CORO2B: variants seen among roughly 807,000 people sequenced by gnomAD.
The protein encoded by CORO2B is coronin 2B.
A neutral mutation model predicts 58.8 loss-of-function variants in CORO2B; 26 were observed. That is an observed-to-expected ratio of 0.44 (90% CI 0.32 to 0.61). The LOEUF is 0.61. Ranked by LOEUF, CORO2B falls within the 20% of genes least tolerant of loss-of-function variation. The probability of loss-of-function intolerance (pLI) is 0.04; values close to 1 mark genes in which losing one functional copy is unlikely to be tolerated. For missense variants in CORO2B, 460 were observed against 645.1 expected (o/e 0.71, Z 3.11); for synonymous variants, 242 against 253.8 (o/e 0.95, Z 0.44).
intron 1 of CORO2B, among the ~76,000 whole-genome samples, chr15:68,594,351 A>G (rs549640775): frequency 6.6e-6 from 1 of 152,324 alleles, no homozygotes; most frequent in African/African-American, 2.4e-5. Context: ...ATTTCTAGGA[A>G]CAGCAAGCTG....
intron 3 of CORO2B, among the ~76,000 whole-genome samples, chr15:68,703,461 A>G (rs1892708707): frequency 6.6e-6 from 1 of 152,072 alleles, no homozygotes; most frequent in Non-Finnish European, 1.5e-5. Context: ...CAGAAACCAT[A>G]TCTTATACTG....
intron 2 of CORO2B, among the ~76,000 whole-genome samples, chr15:68,650,223 C>T (rs1030591316): frequency 6.6e-6 from 1 of 151,874 alleles, no homozygotes; most frequent in East Asian, 1.9e-4. Context: ...ACAAAATTAG[C>T]GGGGCATGAT....
chr15:68,643,816 T>A (rs1015401910), intron 1 of CORO2B, among the ~76,000 whole-genome samples: 1 of 152,106 alleles, frequency 6.6e-6, no homozygotes, highest in Non-Finnish European at 1.5e-5. Flanking sequence ...GTCAGATGGA[T>A]CACCTGAGGT....
chr15:68,714,120 G>A (rs1892979623), intron 6 of CORO2B, 79 bp downstream of exon 6: 1 of 924,892 alleles, frequency 1.1e-6, no homozygotes, highest in African/African-American at 1.6e-5. Flanking sequence ...AGAAAGTCAG[G>A]AGCCTGGGCC....
chr15:68,579,076 G>C lies in CORO2B; in HGVS notation c.-187G>C. ...GGCTGACATCAGCGACGAGCGGCGG[G>C]CGAGCGCCGACGAGCGGTCCCTGCG... On this transcript the variant is annotated 5_prime_UTR_variant, in exon 1 of 12. Transcript: ENST00000261861. 5.1e-6 allele frequency: 5 copies of C among 983,764 alleles called. No homozygotes were observed. Among genetic ancestry groups the C allele is most frequent in the Non-Finnish European group, 6.0e-6 (5 of 829,318 alleles). 60.9% of individuals were successfully genotyped at this position (983,764 alleles called of 1,614,324 possible). A position where few individuals can be genotyped will look rare whatever the true frequency, so the allele number is the denominator to read the frequency against.
At chr15:68,614,306 T>C (rs542013135) in intron 1 of CORO2B, among the ~76,000 whole-genome samples, 60 of 152,344 alleles carry the variant, frequency 3.9e-4, no homozygotes, top group African/African-American at 1.4e-3. Context: ...TCTATTTAAA[T>C]ATATTGCAAA....
the CORO2B span, among the ~76,000 whole-genome samples, chr15:68,556,113 G>A: frequency 6.6e-6 from 1 of 152,224 alleles, no homozygotes; most frequent in South Asian, 2.1e-4. Flanking sequence ...CGGGGAGCGG[G>A]CCAGGCAAAG....
chr15:68,580,266 C>T (rs945913583), intron 1 of CORO2B, among the ~76,000 whole-genome samples: 6 of 152,238 alleles, frequency 3.9e-5, no homozygotes, highest in African/African-American at 1.4e-4. Flanking sequence ...TGGCCTCGGG[C>T]TTGGCCGTCC....
chr15:68,678,675 A>G (rs935348944), intron 2 of CORO2B, among the ~76,000 whole-genome samples: 1 of 152,198 alleles, frequency 6.6e-6, no homozygotes, highest in African/African-American at 2.4e-5. Context: ...CTCCACTTCA[A>G]AAAAGAAAAA....
At chr15:68,641,754 C>T (rs561547332) in intron 1 of CORO2B, among the ~76,000 whole-genome samples, 5 of 152,144 alleles carry the variant, frequency 3.3e-5, no homozygotes, top group South Asian at 4.1e-4. Context: ...AGACAGAGTT[C>T]GGCACTGTCG....
chr15:68,541,379 G>A, the CORO2B span, among the ~76,000 whole-genome samples: 1 of 152,178 alleles, frequency 6.6e-6, no homozygotes, highest in Non-Finnish European at 1.5e-5. Flanking sequence ...ACTAGCATCA[G>A]AAGGATATAG....
chr15:68,658,579 GA>G (rs1901906776), intron 2 of CORO2B, among the ~76,000 whole-genome samples: 1 of 152,222 alleles, frequency 6.6e-6, no homozygotes, highest in South Asian at 2.1e-4. Flanking sequence ...TAGAATTCTG[GA>G]AAGGAAGTGA....
At chr15:68,664,131 G>C (rs1271057881) in intron 2 of CORO2B, among the ~76,000 whole-genome samples, 1 of 152,168 alleles carries the variant, frequency 6.6e-6, no homozygotes, top group African/African-American at 2.4e-5. Context: ...GATCATGGTG[G>C]TGGGTTTATG....
chr15:68,582,142 G>A (rs1307393247), intron 1 of CORO2B, among the ~76,000 whole-genome samples: 1 of 152,184 alleles, frequency 6.6e-6, no homozygotes, highest in African/African-American at 2.4e-5. Context: ...AGGCACAGCT[G>A]CTAAAGCTGC....
At chr15:68,549,185 GTTCATGTATTGGTATAT>G in the CORO2B span, among the ~76,000 whole-genome samples, 1 of 152,194 alleles carries the variant, frequency 6.6e-6, no homozygotes, top group African/African-American at 2.4e-5. Flanking sequence ...AACAACCACT[GTTCATGTATTGGTATAT>G]TACCTCTGGT....
rs187687987 is a variant in CORO2B, at chr15:68,671,181, C to T, written c.217-23959C>T. On this transcript the variant is annotated intron_variant, in intron 2 of 11. Coordinates refer to ENST00000261861, the MANE Select transcript of CORO2B (RefSeq NM_006091.5). The stretch of plus-strand genomic sequence containing the variant: ...AAGGAACCACAACCACTCTCTCCAG[C>T]TGGGCATAAAATGGAGCTGATACTC... Among the ~76,000 whole-genome samples, 32 of 152,314 alleles carry T rather than the reference C, an allele frequency of 2.1e-4. No individual in the cohort carries two copies. The East Asian group carries it at 6.2e-3, about 29-fold the overall frequency.
At chr15:68,724,487 G>A (rs971237971) in intron 11 of CORO2B, among the ~76,000 whole-genome samples, 2 of 152,052 alleles carry the variant, frequency 1.3e-5, no homozygotes, top group East Asian at 3.9e-4. Context: ...TTCATCCTCT[G>A]TAGTGTGTCG....
At chr15:68,703,612 A>G (rs1892712742) in intron 3 of CORO2B, among the ~76,000 whole-genome samples, 1 of 152,180 alleles carries the variant, frequency 6.6e-6, no homozygotes. Context: ...TATACCATAT[A>G]TACAGACAGT....
chr15:68,607,666 A>T (rs1305475967), intron 1 of CORO2B, among the ~76,000 whole-genome samples: 1 of 152,076 alleles, frequency 6.6e-6, no homozygotes, highest in Non-Finnish European at 1.5e-5. Flanking sequence ...AAAAATTTAA[A>T]AATCAGCCAG....
Sources: allele counts gnomAD v4.1 joint callset (sites outside exome capture counted in the v4.1 genomes callset), GRCh38; gene constraint gnomAD v4.1.1; transcripts MANE v1.5; gene names NCBI Gene and HGNC (gene_info 2026-07-23, HGNC 2026-07-21).